The following UMAD1 variants were observed in gnomAD, a reference collection of about 807,000 sequenced individuals.
The protein encoded by UMAD1 is UBAP1-MVB12-associated (UMA) domain containing 1.
Under a neutral mutation model 6.1 loss-of-function variants are expected in UMAD1, and 8 were observed. The observed-to-expected ratio is 1.30, with a 90% CI of 0.76 to 2.35. UMAD1 has a LOEUF of 2.35. UMAD1 is among the 30% of genes most tolerant of loss of function. The pLI is 0.00. For missense variants in UMAD1, 130 were observed against 78.4 expected (o/e 1.66, Z -2.49); for synonymous variants, 56 against 31.4 (o/e 1.78, Z -2.61).
chr7:7,649,146 G>A (rs1275529298), intron 1 of UMAD1, among the ~76,000 whole-genome samples: 14 of 119,588 alleles, frequency 1.2e-4, no homozygotes, highest in African/African-American at 2.0e-4. Flanking sequence ...CGACAAGAGC[G>A]AGACTCCATC....
At chr7:7,677,619 T>G (rs1424003605) in intron 2 of UMAD1, among the ~76,000 whole-genome samples, 2 of 152,054 alleles carry the variant, frequency 1.3e-5, no homozygotes, top group African/African-American at 4.8e-5. Flanking sequence ...AGTATTCCAT[T>G]GTGTATATGT....
intron 3 of UMAD1, among the ~76,000 whole-genome samples, chr7:7,872,691 A>G (rs186208954): frequency 5.0e-4 from 76 of 152,370 alleles, no homozygotes; most frequent in Non-Finnish European, 2.1e-4. Flanking sequence ...GTATCTATGA[A>G]GTACCGTAAA....
chr7:7,823,248 G>T lies in UMAD1; in HGVS notation c.156+21505G>T, dbSNP rs188616011. Among the ~76,000 whole-genome samples the T allele has an allele frequency of 4.2e-4, 64 of 152,162 alleles. 3 individuals are homozygous for T. In the East Asian group the frequency reaches 7.1e-3, roughly 17 times the overall value. ...ATGTCACCCCCAAAAAGATAAATAG[G>T]TCATTAATTCAGCCAACTTTTTTCC... On this transcript the variant is annotated intron_variant, in intron 3 of 3. Coordinates refer to ENST00000682710, the MANE Select transcript of UMAD1 (RefSeq NM_001302348.2).
intron 1 of UMAD1, among the ~76,000 whole-genome samples, chr7:7,656,929 C>G (rs185778138): frequency 9.8e-5 from 15 of 152,332 alleles, no homozygotes; most frequent in African/African-American, 3.1e-4. Context: ...ACACTTCCAC[C>G]AACAGTGTTA....
At chr7:7,874,025 C>G (rs1784374462) in intron 3 of UMAD1, among the ~76,000 whole-genome samples, 1 of 152,162 alleles carries the variant, frequency 6.6e-6, no homozygotes, top group African/African-American at 2.4e-5. Context: ...ACTGAAACTT[C>G]CAAAACCCAA....
At chr7:7,734,150 T>G (rs1003500916) in intron 2 of UMAD1, among the ~76,000 whole-genome samples, 1 of 152,138 alleles carries the variant, frequency 6.6e-6, no homozygotes, top group Non-Finnish European at 1.5e-5. Flanking sequence ...GGCTATAGGC[T>G]TAAGTTCTTT....
intron 3 of UMAD1, among the ~76,000 whole-genome samples, chr7:7,869,932 C>T (rs1433307165): frequency 2.6e-5 from 4 of 152,104 alleles, no homozygotes; most frequent in African/African-American, 7.2e-5. Flanking sequence ...TGTTATATGC[C>T]TTGTATTCTT....
rs144807119 is a variant in UMAD1 at position 7,757,302 on chromosome 7, G to T, written c.83-44368G>T. ...GTGAGAAAATAAAATTATTCCAGAT[G>T]GCTTTCCTTTTCTCATTTTTTAGAA... On this transcript the variant is annotated intron_variant, in intron 2 of 3. Transcript: ENST00000682710. Among the ~76,000 whole-genome samples the T allele has an allele frequency of 1.8e-4, 27 of 152,242 alleles. No individual in the cohort carries two copies. The East Asian group carries it at 5.0e-3, about 28-fold the overall frequency.
At chr7:7,864,235 G>C (rs943214798) in intron 3 of UMAD1, among the ~76,000 whole-genome samples, 1 of 152,174 alleles carries the variant, frequency 6.6e-6, no homozygotes, top group Non-Finnish European at 1.5e-5. Context: ...AGTTGCTATG[G>C]TATATTTGTG....
intron 3 of UMAD1, among the ~76,000 whole-genome samples, chr7:7,864,602 T>TACACACACACACACACAC (rs59036228): frequency 1.4e-5 from 2 of 140,160 alleles, no homozygotes; most frequent in Non-Finnish European, 3.1e-5. Flanking sequence ...ACATGAAAAC[T>TACACACACACACACACAC]ACACACACAC....
chr7:7,701,925 T>C (rs184325590), intron 2 of UMAD1, among the ~76,000 whole-genome samples: 2 of 152,360 alleles, frequency 1.3e-5, no homozygotes, highest in East Asian at 3.9e-4. Context: ...TGCCATCAGC[T>C]ATACCTCCCT....
chr7:7,768,033 C>A (rs1046966180), intron 2 of UMAD1, among the ~76,000 whole-genome samples: 2 of 152,078 alleles, frequency 1.3e-5, no homozygotes, highest in African/African-American at 4.8e-5. Context: ...TTATTCATGA[C>A]TTTCCTATCT....
chr7:7,653,145 G>T lies in UMAD1; in HGVS notation c.-64+12324G>T, dbSNP rs568587549. On this transcript the variant is annotated intron_variant, in intron 1 of 3. Transcript: ENST00000682710. ...AGTTGTCTGAATTCTTTTGCAGGGT[G>T]TTTTTTCATTTTCAAAATGCAACAC... Among the ~76,000 whole-genome samples, 9 of 152,242 alleles carry T rather than the reference G, an allele frequency of 5.9e-5. No individual in the cohort carries two copies. In the East Asian group the frequency reaches 1.7e-3, roughly 29 times the overall value.
At chr7:7,721,026 T>C (rs1390065390) in intron 2 of UMAD1, among the ~76,000 whole-genome samples, 1 of 152,056 alleles carries the variant, frequency 6.6e-6, no homozygotes, top group Non-Finnish European at 1.5e-5. Context: ...AGAGGAGAAA[T>C]GGCCATGTGA....
intron 3 of UMAD1, among the ~76,000 whole-genome samples, chr7:7,832,328 A>AT (rs558115964): frequency 2.6e-5 from 4 of 151,340 alleles, no homozygotes; most frequent in Non-Finnish European, 4.4e-5. Context: ...TTCTTTTGGA[A>AT]TTTTTTTTTC....
intron 2 of UMAD1, among the ~76,000 whole-genome samples, chr7:7,798,761 T>G (rs1435169078): frequency 1.3e-5 from 2 of 152,166 alleles, no homozygotes; most frequent in African/African-American, 4.8e-5. Flanking sequence ...GAGACTGGGT[T>G]CTGCTCCCAT....
At chr7:7,744,568 C>T (rs529479190) in intron 2 of UMAD1, among the ~76,000 whole-genome samples, 5 of 151,146 alleles carry the variant, frequency 3.3e-5, no homozygotes, top group African/African-American at 4.9e-5. Flanking sequence ...CATTTCTCCA[C>T]GTCCTGGTAA....
chr7:7,801,592 A>C (rs760140005), intron 2 of UMAD1, 78 bp from the exon 3 acceptor site: 33 of 665,378 alleles, frequency 5.0e-5, no homozygotes, highest in Non-Finnish European at 7.4e-5. Flanking sequence ...AACAAAAGAT[A>C]CTTCAAACAA....
At chr7:7,845,018 A>T (rs73057755) in intron 3 of UMAD1, among the ~76,000 whole-genome samples, 2 of 151,918 alleles carry the variant, frequency 1.3e-5, no homozygotes, top group Non-Finnish European at 2.9e-5. Context: ...ATTACATAAT[A>T]GACTTCTAGG....
Sources: allele counts gnomAD v4.1 joint callset (sites outside exome capture counted in the v4.1 genomes callset), GRCh38; gene constraint gnomAD v4.1.1; transcripts MANE v1.5; gene names NCBI Gene and HGNC (gene_info 2026-07-23, HGNC 2026-07-21).